Variants in ANKAR observed in about 807,000 individuals in gnomAD.
ANKAR encodes the protein ankyrin and armadillo repeat-containing protein.
A neutral mutation model predicts 146.2 loss-of-function variants in ANKAR; 136 were observed. That is an observed-to-expected ratio of 0.93 (90% CI 0.81 to 1.07). The LOEUF (loss-of-function observed/expected upper bound fraction) is 1.07, where lower values mean the gene tolerates loss of function less well. Ranked by LOEUF, ANKAR falls within the 50% of genes least tolerant of loss-of-function variation. The pLI, the probability that ANKAR is intolerant of heterozygous loss-of-function variation, is 0.00. For missense variants in ANKAR, 1,567 were observed against 1,679.9 expected, an observed-to-expected ratio of 0.93 and a Z score of 1.18; for synonymous variants, 500 against 575.8, an observed-to-expected ratio of 0.87 and a Z score of 1.88.
downstream of ANKAR, chr2:189,761,340 AC>A (rs2047042511): frequency 1.7e-5 from 25 of 1,451,658 alleles, no homozygotes; most frequent in Non-Finnish European, 2.2e-5. Context: ...GCTCCTGAAA[AC>A]TTTTATATAT....
intron 12 of ANKAR, among the ~76,000 whole-genome samples, chr2:189,725,440 TG>T (rs913978301): frequency 6.6e-6 from 1 of 152,108 alleles, no homozygotes; most frequent in African/African-American, 2.4e-5. Flanking sequence ...TAGTTGATTC[TG>T]GGGCAGGGGC....
intron 17 of ANKAR, among the ~76,000 whole-genome samples, chr2:189,735,233 C>G (rs1391954411): frequency 6.6e-6 from 1 of 152,160 alleles, no homozygotes; most frequent in Non-Finnish European, 1.5e-5. Flanking sequence ...ACCTGCTTCA[C>G]TCTCTGGACC....
Position 189,728,772 on chromosome 2 carries a change from T to C in ANKAR, c.3144T>C (p.Ala1048=). The part of the protein sequence containing the change: ...LVRLLRISTI[A]EGTLLSVIRA... ...GCTTACTAAGAATTAGTACGATTGC[T>C]GAAGGCACACTTCTCAGTGTCATCA... The change falls in exon 15 of 23, where the codon GCT becomes GCC. Residue 1048 remains alanine, a synonymous_variant. Transcript: ENST00000684021. The C allele has an allele frequency of 6.2e-7, 1 of 1,614,092 alleles. No homozygotes were observed. The highest frequency in any genetic ancestry group is 8.5e-7 in the Non-Finnish European group (1 of 1,179,958).
intron 18 of ANKAR, among the ~76,000 whole-genome samples, chr2:189,760,279 C>T (rs968411424): frequency 1.3e-4 from 20 of 152,164 alleles, no homozygotes; most frequent in Admixed American, 1.3e-3. Flanking sequence ...GGGTACACCT[C>T]CCAGACGGGG....
chr2:189,741,563 A>G (rs1393784441), intron 20 of ANKAR, 112 bp downstream of exon 20: 2 of 598,356 alleles, frequency 3.3e-6, no homozygotes, highest in Non-Finnish European at 5.4e-6. Flanking sequence ...ATATAATATA[A>G]TTCTTATTAC....
chr2:189,727,966 T>C lies in ANKAR; in HGVS notation c.2746T>C (p.Phe916Leu), dbSNP rs765085938. 5 of 1,613,958 alleles carry C rather than the reference T, an allele frequency of 3.1e-6. No individual in the cohort carries two copies. The highest frequency in any genetic ancestry group is 3.4e-6 in the Non-Finnish European group (4 of 1,179,996). The change falls in exon 13 of 23, where the codon TTT (phenylalanine) becomes CTT (leucine). Residue 916 changes from phenylalanine (F) to leucine (L), a missense_variant. Transcript: ENST00000684021. ...AGCGATTCCTCCTCTGGTGGCTCTT[T>C]TTAAAGGGAAACAAATTAGTGTCCA... ...EGAIPPLVAL[F>L]KGKQISVQMK...
intron 18 of ANKAR, chr2:189,754,700 T>C (rs1446775906): frequency 7.9e-6 from 2 of 252,186 alleles, no homozygotes; most frequent in African/African-American, 4.7e-5. Flanking sequence ...TGTTTGTTTG[T>C]TTGTTTGTTT....
At chr2:189,755,609 A>ACGCCTGTAATCCC in intron 18 of ANKAR, 1 of 1,545,868 alleles carries the variant, frequency 6.5e-7, no homozygotes, top group Non-Finnish European at 8.7e-7. Flanking sequence ...TGTAAAAATG[A>ACGCCTGTAATCCC]AGAAAAATGA....
rs190755713 is a variant in ANKAR at position 189,696,349 on chromosome 2, G to A, written c.1688G>A (p.Arg563His). 110 of 1,613,344 alleles carry A rather than the reference G, an allele frequency of 6.8e-5. No individual in the cohort carries two copies. The highest frequency in any genetic ancestry group is 5.8e-4 in the East Asian group (26 of 44,858). The change falls in exon 7 of 23, where the codon CGC (arginine) becomes CAC (histidine). Residue 563 changes from arginine (R) to histidine (H), a missense_variant. By Grantham distance (29) the Arg-to-His change is conservative. Transcript: ENST00000684021. ...CNANFKVNQR[R>H]FVTFSQGPTP... ...GCTAACTTCAAGGTCAACCAGAGGC[G>A]CTTTGTTACGTTCAGCCAAGGTACC...
intron 2 of ANKAR, among the ~76,000 whole-genome samples, chr2:189,682,738 C>A (rs2034929477): frequency 6.6e-6 from 1 of 152,122 alleles, no homozygotes; most frequent in South Asian, 2.1e-4. Flanking sequence ...AGAAATGATT[C>A]CAAGGAACAG....
chr2:189,704,933 A>C, intron 7 of ANKAR, 90 bp from the exon 8 acceptor site: 2 of 1,231,246 alleles, frequency 1.6e-6, no homozygotes, highest in South Asian at 2.5e-5. Context: ...TACAATACTA[A>C]GCTCTGTGGC....
intron 18 of ANKAR, among the ~76,000 whole-genome samples, chr2:189,758,288 G>A (rs1442759331): frequency 1.3e-5 from 2 of 152,120 alleles, no homozygotes; most frequent in Non-Finnish European, 1.5e-5. Context: ...GGCTGAGGGG[G>A]GAGAATCGCT....
intron 10 of ANKAR, among the ~76,000 whole-genome samples, chr2:189,712,909 CA>C (rs1468875643): frequency 1.3e-5 from 2 of 152,126 alleles, no homozygotes; most frequent in Non-Finnish European, 2.9e-5. Flanking sequence ...CTAGAATAAA[CA>C]GTGTAGAGAA....
intron 18 of ANKAR, chr2:189,754,299 A>C (rs751321533): frequency 5.0e-6 from 8 of 1,613,626 alleles, no homozygotes; most frequent in Admixed American, 1.7e-5. Flanking sequence ...CCCACCACTC[A>C]TGGTGGAGCA....
chr2:189,739,364 A>T (rs1388057682), intron 19 of ANKAR, among the ~76,000 whole-genome samples: 1 of 152,216 alleles, frequency 6.6e-6, no homozygotes, highest in East Asian at 1.9e-4. Flanking sequence ...ACTTTACTTG[A>T]TGCCATAGAA....
Position 189,676,652 on chromosome 2 carries a change from G to C in ANKAR, c.162G>C (p.Trp54Cys). ...TACTAACTACTGCACTAGTTAGCTG[G>C]TTGTCTGCCAAAGAGGATGTGCGCT... The part of the protein sequence containing the change: ...QELLTTALVS[W>C]LSAKEDVRSQ... Residue 54 changes from tryptophan (W) to cysteine (C), a missense_variant, in exon 2 of 23, where the codon TGG becomes TGC. By Grantham distance (215) the Trp-to-Cys change is radical. Coordinates refer to ENST00000684021, the MANE Select transcript of ANKAR (RefSeq NM_001378068.1). 6.2e-7 allele frequency: 1 copy of C among 1,614,174 alleles called. No individual in the cohort carries two copies. Among genetic ancestry groups the C allele is most frequent in the Non-Finnish European group, 8.5e-7 (1 of 1,180,028 alleles).
rs1205216436 is a variant in ANKAR at position 189,677,669 on chromosome 2, CT to C, written c.601+581del. Among the ~76,000 whole-genome samples the C allele has an allele frequency of 2.0e-5, 3 of 150,508 alleles. No homozygotes were observed. In the East Asian group the frequency reaches 5.8e-4, roughly 29 times the overall value. On this transcript the variant is annotated intron_variant, in intron 2 of 22. Transcript: ENST00000684021. ...ATTTCATGGTATATATATTTTCTTT[CT>C]TTCTTTTTTTTTTTTTCTTTTTTGG...
At chr2:189,702,417 T>C (rs934220668) in intron 7 of ANKAR, among the ~76,000 whole-genome samples, 1 of 152,148 alleles carries the variant, frequency 6.6e-6, no homozygotes, top group Non-Finnish European at 1.5e-5. Context: ...CTTCTAGCAA[T>C]TGTGAATTAA....
At chr2:189,676,093 A>G in intron 1 of ANKAR, 1 of 175,880 alleles carries the variant, frequency 5.7e-6, no homozygotes, top group South Asian at 1.3e-4. Context: ...GTATTCCTTT[A>G]TAGCAACACA....
Sources: gnomAD v4.1 joint callset for allele counts (sites outside exome capture counted in the v4.1 genomes callset) on GRCh38, gnomAD v4.1.1 for gene constraint, MANE v1.5 for transcripts, NCBI Gene and HGNC (gene_info 2026-07-23, HGNC 2026-07-21) for gene names.